PDCD2L: variants seen among roughly 807,000 people sequenced by gnomAD.
The protein encoded by PDCD2L is uS5 assembly chaperone PDCD2L.
Under a neutral mutation model 40.4 loss-of-function variants are expected in PDCD2L, and 44 were observed. The ratio of observed to expected loss-of-function variants is 1.09; its 90% CI spans 0.86 to 1.40. The LOEUF (loss-of-function observed/expected upper bound fraction) is 1.40, where lower values mean the gene tolerates loss of function less well. Among genes scored for constraint, PDCD2L ranks in the 40% most tolerant of loss-of-function variants. The probability of loss-of-function intolerance (pLI) is 0.00; values close to 1 mark genes in which losing one functional copy is unlikely to be tolerated. For synonymous variants in PDCD2L, 194 were observed against 174.6 expected (o/e 1.11, Z -0.88); for missense variants, 470 against 453.7 (o/e 1.04, Z -0.33).
At chr19:34,407,255 C>T (rs1420527099) in intron 3 of PDCD2L, among the ~76,000 whole-genome samples, 2 of 152,180 alleles carry the variant, frequency 1.3e-5, no homozygotes, top group Non-Finnish European at 2.9e-5. Flanking sequence ...AATTCTCCTG[C>T]CTCAGCCTCC....
Position 34,409,519 on chromosome 19 carries a change from G to T in PDCD2L, c.686+9G>T. ...CAGTTGCTTTCCCAAAGGTGAGGATGTGTGCTGCTGAGGTTGAGAGGTGAC... is the reference window on the plus strand; with the variant it reads ...CAGTTGCTTTCCCAAAGGTGAGGATTTGTGCTGCTGAGGTTGAGAGGTGAC... On this transcript the variant is annotated intron_variant, in intron 4 of 6. Coordinates refer to ENST00000246535, the MANE Select transcript of PDCD2L (RefSeq NM_032346.2). 6.2e-7 allele frequency: 1 copy of T among 1,607,774 alleles called. No homozygotes were observed. Among genetic ancestry groups the T allele is most frequent in the Admixed American group, 1.7e-5 (1 of 59,918 alleles).
intron 5 of PDCD2L, among the ~76,000 whole-genome samples, chr19:34,416,075 C>G (rs749431176): frequency 6.6e-6 from 1 of 152,196 alleles, no homozygotes; most frequent in Non-Finnish European, 1.5e-5. Flanking sequence ...CATGTGCCAA[C>G]ATACCCGGCT....
In PDCD2L at chr19:34,409,465, A is replaced by G. The variant is rs755390769; in HGVS notation, c.641A>G (p.Tyr214Cys). 5.6e-6 allele frequency: 9 copies of G among 1,614,186 alleles called. No homozygotes were observed. Among genetic ancestry groups the G allele is most frequent in the South Asian group, 1.1e-5 (1 of 91,086 alleles). Residue 214 changes from tyrosine (Y) to cysteine (C), a missense_variant, in exon 4 of 7, where the codon TAT becomes TGT. Tyr to Cys is a radical substitution (Grantham distance 194). Transcript: ENST00000246535. Reference protein sequence around the residue: ...LDHAHSLLRDYQQREGIAMDQ... With the variant: ...LDHAHSLLRDCQQREGIAMDQ... ...CATGCCCACAGCCTTCTGAGGGACT[A>G]TCAGCAGAGAGAAGGCATTGCCATG...
At chr19:34,425,125 T>G (rs1005800089) in intron 6 of PDCD2L, among the ~76,000 whole-genome samples, 3 of 152,142 alleles carry the variant, frequency 2.0e-5, no homozygotes, top group South Asian at 2.1e-4. Context: ...TCTTGACTCC[T>G]GCTTTTCTGT....
At chr19:34,415,639 A>T (rs1392280184) in intron 5 of PDCD2L, among the ~76,000 whole-genome samples, 1 of 152,170 alleles carries the variant, frequency 6.6e-6, no homozygotes, top group African/African-American at 2.4e-5. Flanking sequence ...AAAAGCTAAA[A>T]ATCAGGCCAA....
chr19:34,423,147 T>A (rs1192368486), intron 6 of PDCD2L, among the ~76,000 whole-genome samples: 4 of 152,140 alleles, frequency 2.6e-5, no homozygotes, highest in African/African-American at 9.7e-5. Context: ...CTTACCATAG[T>A]AGATAAGGAA....
chr19:34,425,853 G>A (rs1055767490), intron 6 of PDCD2L, 137 bp from the exon 7 acceptor site: 29 of 780,954 alleles, frequency 3.7e-5, no homozygotes, highest in Non-Finnish European at 5.2e-5. Context: ...CTGTGATTCT[G>A]TTATAGCTGA....
Position 34,409,384 on chromosome 19 carries a change from C to T in PDCD2L, c.560C>T (p.Pro187Leu). The change falls in exon 4 of 7, where the codon CCC (proline) becomes CTC (leucine). Residue 187 changes from proline to leucine, a missense_variant. Physicochemically the swap from Pro to Leu is moderately conservative, Grantham distance 98. Transcript: ENST00000246535. ...PVPPGLPLFL[P>L]YYICVADEDD... Reference sequence around the variant, plus strand: ...CCTCCTGGGCTGCCGCTCTTCCTGCCCTACTACATCTGTGTTGCAGATGAG... The same window carrying T: ...CCTCCTGGGCTGCCGCTCTTCCTGCTCTACTACATCTGTGTTGCAGATGAG... The T allele has an allele frequency of 6.2e-7, 1 of 1,614,204 alleles. No homozygotes were observed. The highest frequency in any genetic ancestry group is 1.3e-5 in the African/African-American group (1 of 75,048).
At chr19:34,410,452 A>G (rs956771593) in intron 4 of PDCD2L, among the ~76,000 whole-genome samples, 2 of 152,066 alleles carry the variant, frequency 1.3e-5, no homozygotes, top group East Asian at 1.9e-4. Context: ...GGGTTTCACT[A>G]TGTTGGTCAG....
In PDCD2L at chr19:34,421,533, G is replaced by A. The variant is rs377057026; in HGVS notation, c.812G>A (p.Gly271Glu). 20 of 1,613,902 alleles carry A rather than the reference G, an allele frequency of 1.2e-5. No homozygotes were observed. Among genetic ancestry groups the A allele is most frequent in the Non-Finnish European group, 2.5e-6 (3 of 1,180,002 alleles). Residue 271 changes from glycine to glutamate, a missense_variant, in exon 6 of 7, where the codon GGA becomes GAA. Transcript: ENST00000246535. ...CCTTGTCCTAGGTATTCCTGGAGTGGAGAGCCACTCTTTTTGACCTGCCCT... is the reference window on the plus strand; with the variant it reads ...CCTTGTCCTAGGTATTCCTGGAGTGAAGAGCCACTCTTTTTGACCTGCCCT... ...QEQILRYSWSGEPLFLTCPTS... is the reference protein window; with the variant it reads ...QEQILRYSWSEEPLFLTCPTS...
chr19:34,409,912 G>A lies in PDCD2L; in HGVS notation c.686+402G>A, dbSNP rs543430909. Among the ~76,000 whole-genome samples, 4 of 152,266 alleles carry A rather than the reference G, an allele frequency of 2.6e-5. No homozygotes were observed. In the South Asian group the frequency reaches 8.3e-4, roughly 32 times the overall value. On this transcript the variant is annotated intron_variant, in intron 4 of 6. Coordinates refer to ENST00000246535, the MANE Select transcript of PDCD2L (RefSeq NM_032346.2). Reference sequence around the variant, plus strand: ...AACGCCATTTGTTTATTGACTCTTGGCTGTGGCTCCAGAACTGGCCCAGGA... The same window carrying A: ...AACGCCATTTGTTTATTGACTCTTGACTGTGGCTCCAGAACTGGCCCAGGA...
At position 34,404,447 on chromosome 19, in the gene PDCD2L, AGCCGGTGCTGCTGG is replaced by A. The variant is rs1443469412; in HGVS notation, c.21_34del (p.Val8SerfsTer18). The A allele has an allele frequency of 1.4e-5, 21 of 1,544,510 alleles. No individual in the cohort carries two copies. Among genetic ancestry groups the A allele is most frequent in the Non-Finnish European group, 1.8e-5 (21 of 1,145,600 alleles). ...CCGGCGGCCATGGCGGCCGTTCTGA[AGCCGGTGCTGCTGG>A]GCCTTCGAGATGCGCCGGTGCACGG... is the stretch of plus-strand genomic sequence containing the variant. On this transcript the variant is annotated frameshift_variant, in exon 1 of 7. Transcript: ENST00000246535. LOFTEE classifies it high-confidence loss of function.
At chr19:34,408,470 C>T (rs1022419251) in intron 3 of PDCD2L, among the ~76,000 whole-genome samples, 8 of 152,036 alleles carry the variant, frequency 5.3e-5, no homozygotes, top group Admixed American at 1.3e-4. Flanking sequence ...AGCTGGATTA[C>T]GGGCACGTGC....
In PDCD2L at chr19:34,404,723, G is replaced by A; in HGVS notation, c.183G>A (p.Gln61=). The change falls in exon 2 of 7, where the codon CAG becomes CAA. Residue 61 remains glutamine, a synonymous_variant. Transcript: ENST00000246535. ...GGCAGCCGCTCGCTCTGGTCGTGCA[G>A]GTGTATTGCCCGCTGGAAGGCTCCC... is the stretch of plus-strand genomic sequence containing the variant. The part of the protein sequence containing the change: ...RCGQPLALVV[Q]VYCPLEGSPF... The A allele has an allele frequency of 6.2e-7, 1 of 1,612,438 alleles. No individual in the cohort carries two copies. Among genetic ancestry groups the A allele is most frequent in the Non-Finnish European group, 8.5e-7 (1 of 1,179,856 alleles).
intron 4 of PDCD2L, among the ~76,000 whole-genome samples, chr19:34,411,036 G>A (rs952683916): frequency 1.3e-5 from 2 of 151,784 alleles, no homozygotes; most frequent in East Asian, 3.9e-4. Context: ...ACCTGCCTTG[G>A]CCTCCCAAAG....
At position 34,404,419 on chromosome 19, in the gene PDCD2L, C is replaced by A. The variant is rs1161538765; in HGVS notation, c.-12C>A. 6.5e-7 allele frequency: 1 copy of A among 1,539,028 alleles called. No individual in the cohort carries two copies. The highest frequency in any genetic ancestry group is 1.2e-5 in the South Asian group (1 of 83,360). ...GCCGTAGTTTGCGTTTTCACCTGGTCGCCCGGCGGCCATGGCGGCCGTTCT... is the reference window on the plus strand; with the variant it reads ...GCCGTAGTTTGCGTTTTCACCTGGTAGCCCGGCGGCCATGGCGGCCGTTCT... On this transcript the variant is annotated 5_prime_UTR_variant, in exon 1 of 7. Transcript: ENST00000246535.
In PDCD2L at chr19:34,404,756, C is replaced by G. The variant is rs2075065275; in HGVS notation, c.216C>G (p.His72Gln). ...VYCPLEGSPF[H>Q]RLLHVFACAC... ...GCCCGCTGGAAGGCTCCCCGTTTCACCGTCTGCTGCACGTGTTCGCGTGCG... is the reference window on the plus strand; with the variant it reads ...GCCCGCTGGAAGGCTCCCCGTTTCAGCGTCTGCTGCACGTGTTCGCGTGCG... Residue 72 changes from histidine (H) to glutamine (Q), a missense_variant, in exon 2 of 7, where the codon CAC becomes CAG. Physicochemically the swap from His to Gln is conservative, Grantham distance 24. Coordinates refer to ENST00000246535, the MANE Select transcript of PDCD2L (RefSeq NM_032346.2). 2 of 1,611,310 alleles carry G rather than the reference C, an allele frequency of 1.2e-6. No individual in the cohort carries two copies. Among genetic ancestry groups the G allele is most frequent in the Non-Finnish European group, 1.7e-6 (2 of 1,179,554 alleles).
In PDCD2L at chr19:34,404,492, C is replaced by T; in HGVS notation, c.62C>T (p.Pro21Leu). 1.3e-6 allele frequency: 2 copies of T among 1,543,462 alleles called. No individual in the cohort carries two copies. Among genetic ancestry groups the T allele is most frequent in the Non-Finnish European group, 1.7e-6 (2 of 1,146,844 alleles). The change falls in exon 1 of 7, where the codon CCC becomes CTC. Residue 21 changes from proline to leucine, a missense_variant. Transcript: ENST00000246535. ...CGAGATGCGCCGGTGCACGGCAGCC[C>T]CACAGGGCCGGGTGCCTGGACTGCT... ...GLRDAPVHGS[P>L]TGPGAWTASK... is the part of the protein sequence containing the mutation.
chr19:34,414,595 C>A (rs971073460), intron 5 of PDCD2L, among the ~76,000 whole-genome samples: 3 of 139,974 alleles, frequency 2.1e-5, no homozygotes, highest in African/African-American at 8.1e-5. Context: ...CTCAAGTGAT[C>A]CTCCCACTTC....
Sources: allele counts gnomAD v4.1 joint callset (sites outside exome capture counted in the v4.1 genomes callset), GRCh38; gene constraint gnomAD v4.1.1; transcripts MANE v1.5; gene names NCBI Gene and HGNC (gene_info 2026-07-23, HGNC 2026-07-21).